The following NR1H4 variants were observed in gnomAD, a reference collection of about 807,000 sequenced individuals.
The protein encoded by NR1H4 is nuclear receptor subfamily 1 group H member 4.
In NR1H4, 23 loss-of-function variants were observed where a neutral mutation model predicts 58.5. The observed-to-expected ratio is 0.39, with a 90% CI of 0.28 to 0.56. NR1H4 has a LOEUF of 0.56. Among genes scored for constraint, NR1H4 ranks in the 20% least tolerant of loss-of-function variants. The pLI, the probability that NR1H4 is intolerant of heterozygous loss-of-function variation, is 0.58. For missense variants in NR1H4, 487 were observed against 576.9 expected (o/e 0.84, Z 1.60); for synonymous variants, 214 against 198.0 (o/e 1.08, Z -0.68).
intron 3 of NR1H4, among the ~76,000 whole-genome samples, chr12:100,495,239 A>G (rs1953688507): frequency 6.6e-6 from 1 of 152,212 alleles, no homozygotes; most frequent in South Asian, 2.1e-4. Context: ...CACAAGCTGC[A>G]TGAGCTGCAA....
intron 4 of NR1H4, among the ~76,000 whole-genome samples, chr12:100,528,324 G>T (rs910795698): frequency 6.6e-6 from 1 of 151,796 alleles, no homozygotes; most frequent in African/African-American, 2.4e-5. Flanking sequence ...CTGAGATCAC[G>T]CCACTGCACT....
rs751509079 is a variant in NR1H4 at position 100,510,971 on chromosome 12, G to T, written c.273G>T (p.Met91Ile). 18 of 1,614,230 alleles carry T rather than the reference G, an allele frequency of 1.1e-5. No individual in the cohort carries two copies. The South Asian group carries it at 1.9e-4, about 17-fold the overall frequency. The change falls in exon 4 of 11, where the codon ATG (methionine) becomes ATT (isoleucine). Residue 91 changes from methionine (M) to isoleucine (I), a missense_variant. Met to Ile is a conservative substitution (Grantham distance 10, BLOSUM62 1). Coordinates refer to ENST00000392986, the MANE Select transcript of NR1H4 (RefSeq NM_001206979.2). The part of the protein sequence containing the change: ...YSPGIYELRR[M>I]PAETLYQGET... Reference sequence around the variant, plus strand: ...CTGGAATATATGAACTCAGGCGTATGCCAGCTGAGACTCTCTACCAGGGAG... The same window carrying T: ...CTGGAATATATGAACTCAGGCGTATTCCAGCTGAGACTCTCTACCAGGGAG...
At chr12:100,504,830 C>T (rs1452415540) in intron 3 of NR1H4, among the ~76,000 whole-genome samples, 1 of 152,148 alleles carries the variant, frequency 6.6e-6, no homozygotes. Flanking sequence ...TCAAGTTCAG[C>T]GTGGAAGATA....
chr12:100,506,868 A>G (rs1023377068), intron 3 of NR1H4, among the ~76,000 whole-genome samples: 3 of 152,196 alleles, frequency 2.0e-5, no homozygotes, highest in Admixed American at 6.5e-5. Context: ...CTGATGTTCT[A>G]CTGTTTTAGC....
Position 100,510,964 on chromosome 12 carries a change from G to A in NR1H4, c.266G>A (p.Arg89Lys), listed in dbSNP as rs1356373933. 6.2e-7 allele frequency: 1 copy of A among 1,614,224 alleles called. No homozygotes were observed. The highest frequency in any genetic ancestry group is 2.2e-5 in the East Asian group (1 of 44,886). The change falls in exon 4 of 11, where the codon AGG becomes AAG. Residue 89 changes from arginine (R) to lysine (K), a missense_variant. Transcript: ENST00000392986. The stretch of plus-strand genomic sequence containing the variant: ...TACTCTCCTGGAATATATGAACTCA[G>A]GCGTATGCCAGCTGAGACTCTCTAC... Reference protein sequence around the residue: ...EWYSPGIYELRRMPAETLYQG... With the variant: ...EWYSPGIYELKRMPAETLYQG...
At position 100,494,374 on chromosome 12, in the gene NR1H4, G is replaced by C. The variant is rs116903657; in HGVS notation, c.79+972G>C. ...TTACATGTGTACCTGCCTCCATACA[G>C]TACAAATGCATTTAAGGGCAGTGAC... is the stretch of plus-strand genomic sequence containing the variant. On this transcript the variant is annotated intron_variant, in intron 3 of 10. Transcript: ENST00000392986. Among the ~76,000 whole-genome samples the C allele has an allele frequency of 7.2e-3, 1,102 of 152,210 alleles. 28 individuals carry two copies. The highest frequency in any genetic ancestry group is 0.043 in the East Asian group (225 of 5,184).
chr12:100,545,763 T>A (rs1279810308), intron 9 of NR1H4, among the ~76,000 whole-genome samples: 1 of 151,858 alleles, frequency 6.6e-6, no homozygotes, highest in African/African-American at 2.4e-5. Context: ...CAGGCTGTAT[T>A]ATCAGTGTTT....
intron 1 of NR1H4, among the ~76,000 whole-genome samples, 198 bp from the exon 2 acceptor site, chr12:100,492,305 A>T (rs1342665972): frequency 6.6e-6 from 1 of 152,146 alleles, no homozygotes; most frequent in Non-Finnish European, 1.5e-5. Flanking sequence ...TGAAATACAT[A>T]CTTATCCAAA....
intron 1 of NR1H4, among the ~76,000 whole-genome samples, chr12:100,484,987 A>G (rs1953460556): frequency 6.6e-6 from 1 of 152,218 alleles, no homozygotes; most frequent in African/African-American, 2.4e-5. Flanking sequence ...AATTTCATTC[A>G]ATCTTTTTCA....
rs1034158487 is a variant in NR1H4, at chr12:100,553,539, A to G, written c.1079-8346A>G. On this transcript the variant is annotated intron_variant, in intron 9 of 10. Coordinates refer to ENST00000392986, the MANE Select transcript of NR1H4 (RefSeq NM_001206979.2). ...TCAGGAAAAAGCATGAAGACATAAA[A>G]AGTGTATCCCACTTGTTAGGGGAGC... Among the ~76,000 whole-genome samples the G allele has an allele frequency of 3.3e-5, 5 of 152,262 alleles. No individual in the cohort carries two copies. The East Asian group carries it at 9.7e-4, about 29-fold the overall frequency.
intron 1 of NR1H4, among the ~76,000 whole-genome samples, chr12:100,480,178 G>A (rs536307105): frequency 3.2e-4 from 48 of 152,216 alleles, no homozygotes; most frequent in Admixed American, 1.3e-3. Context: ...GCTCCTGATG[G>A]CACCTGTGCT....
intron 4 of NR1H4, 63 bp from the exon 5 acceptor site, chr12:100,532,395 A>G (rs2136227491): frequency 1.3e-6 from 2 of 1,570,216 alleles, no homozygotes; most frequent in South Asian, 1.1e-5. Flanking sequence ...CTCAATCCAA[A>G]CCTGTTTTTT....
intron 4 of NR1H4, among the ~76,000 whole-genome samples, chr12:100,513,940 A>G (rs1227547864): frequency 6.6e-6 from 1 of 152,246 alleles, no homozygotes; most frequent in Non-Finnish European, 1.5e-5. Context: ...AAACTTCTAC[A>G]GTTAGGTTTG....
chr12:100,481,970 T>C (rs1190858235), intron 1 of NR1H4, among the ~76,000 whole-genome samples: 2 of 151,298 alleles, frequency 1.3e-5, no homozygotes, highest in Non-Finnish European at 3.0e-5. Context: ...GGGCAAGTGG[T>C]GCATGCCTGT....
At chr12:100,510,505 A>G (rs1202880330) in intron 3 of NR1H4, among the ~76,000 whole-genome samples, 3 of 151,148 alleles carry the variant, frequency 2.0e-5, no homozygotes, top group Non-Finnish European at 4.4e-5. Flanking sequence ...AGCTTCTCAA[A>G]TATTTTCTTA....
At chr12:100,542,087 T>A (rs1954950248) in intron 9 of NR1H4, among the ~76,000 whole-genome samples, 1 of 152,102 alleles carries the variant, frequency 6.6e-6, no homozygotes, top group African/African-American at 2.4e-5. Context: ...GGCTCACGCC[T>A]ATAATCCCAG....
At chr12:100,517,658 G>T (rs770851691) in intron 4 of NR1H4, among the ~76,000 whole-genome samples, 11 of 152,282 alleles carry the variant, frequency 7.2e-5, no homozygotes, top group Non-Finnish European at 1.6e-4. Context: ...AGCAGTAAGG[G>T]TTGACTTTTC....
At chr12:100,520,137 C>T (rs1037809632) in intron 4 of NR1H4, among the ~76,000 whole-genome samples, 2 of 152,074 alleles carry the variant, frequency 1.3e-5, no homozygotes, top group Admixed American at 6.5e-5. Context: ...CCGCTGACCC[C>T]GCAGCCCACT....
chr12:100,487,156 A>G (rs1208338858), intron 1 of NR1H4, among the ~76,000 whole-genome samples: 1 of 152,204 alleles, frequency 6.6e-6, no homozygotes, highest in Non-Finnish European at 1.5e-5. Context: ...TAAATTAGAA[A>G]AAATTGTTCA....
Sources: gnomAD v4.1 joint callset for allele counts (sites outside exome capture counted in the v4.1 genomes callset) on GRCh38, gnomAD v4.1.1 for gene constraint, MANE v1.5 for transcripts, NCBI Gene and HGNC (gene_info 2026-07-23, HGNC 2026-07-21) for gene names.